The following ADGRL3 variants were observed in gnomAD, a reference collection of about 807,000 sequenced individuals.
ADGRL3 encodes the protein adhesion G protein-coupled receptor L3, also known as calcium-independent alpha-latrotoxin receptor 3.
A neutral mutation model predicts 153.5 loss-of-function variants in ADGRL3; 62 were observed. The observed-to-expected ratio is 0.40, with a 90% CI of 0.33 to 0.50. The LOEUF (loss-of-function observed/expected upper bound fraction) is 0.50. Ranked by LOEUF, ADGRL3 falls within the 20% of genes least tolerant of loss-of-function variation. The pLI is 0.47. For synonymous variants in ADGRL3, 710 were observed against 672.5 expected (o/e 1.06, Z -0.86); for missense variants, 1,641 against 1,859.4 (o/e 0.88, Z 2.16).
chr4:61,425,032 A>C (rs1357378359), intron 2 of ADGRL3, among the ~76,000 whole-genome samples: 1 of 152,076 alleles, frequency 6.6e-6, no homozygotes, highest in African/African-American at 2.4e-5. Flanking sequence ...CAGACCCATA[A>C]ACTCCCAGGG....
chr4:61,225,335 C>G (rs756994864), intron 1 of ADGRL3, among the ~76,000 whole-genome samples: 19 of 152,076 alleles, frequency 1.2e-4, no homozygotes, highest in Non-Finnish European at 2.1e-4. Flanking sequence ...GAATTGATGG[C>G]CCCACAGTTA....
At chr4:61,424,347 C>G (rs1339672368) in intron 2 of ADGRL3, among the ~76,000 whole-genome samples, 1 of 152,132 alleles carries the variant, frequency 6.6e-6, no homozygotes, top group Non-Finnish European at 1.5e-5. Context: ...TTACACTCCA[C>G]CCCCTAGGCT....
intron 4 of ADGRL3, among the ~76,000 whole-genome samples, chr4:61,563,745 C>T (rs766568695): frequency 1.3e-5 from 2 of 152,172 alleles, no homozygotes; most frequent in African/African-American, 4.8e-5. Context: ...CACGGTGGCT[C>T]ACGCCTGTAA....
intron 8 of ADGRL3, among the ~76,000 whole-genome samples, chr4:61,733,953 G>C (rs2096475461): frequency 6.6e-6 from 1 of 152,180 alleles, no homozygotes; most frequent in East Asian, 1.9e-4. Flanking sequence ...GGGTTAACTT[G>C]ATATTATGTT....
chr4:61,919,463 T>C (rs1370897249), intron 13 of ADGRL3, among the ~76,000 whole-genome samples: 1 of 152,210 alleles, frequency 6.6e-6, no homozygotes, highest in African/African-American at 2.4e-5. Context: ...CTAAACCTAT[T>C]GTTAAAAGAC....
intron 9 of ADGRL3, among the ~76,000 whole-genome samples, chr4:61,815,004 C>T (rs1355966012): frequency 6.6e-6 from 1 of 151,988 alleles, no homozygotes; most frequent in Non-Finnish European, 1.5e-5. Flanking sequence ...CTGCGCTTGG[C>T]ACATAATGGA....
chr4:61,627,219 T>C (rs541745141), intron 5 of ADGRL3, among the ~76,000 whole-genome samples: 15 of 152,298 alleles, frequency 9.8e-5, no homozygotes, highest in African/African-American at 3.6e-4. Flanking sequence ...TTATTTAAAA[T>C]TTGTCTTTTC....
At chr4:61,329,150 A>T (rs2095522528) in intron 1 of ADGRL3, among the ~76,000 whole-genome samples, 1 of 152,184 alleles carries the variant, frequency 6.6e-6, no homozygotes, top group African/African-American at 2.4e-5. Context: ...AAGGATGCGT[A>T]TTTAAAAGCT....
chr4:61,930,781 C>T (rs2098814619), intron 13 of ADGRL3, among the ~76,000 whole-genome samples: 1 of 151,856 alleles, frequency 6.6e-6, no homozygotes, highest in Non-Finnish European at 1.5e-5. Flanking sequence ...AGTCAAAAGT[C>T]ACTGAGAGTT....
At chr4:61,876,667 T>A (rs577053327) in intron 9 of ADGRL3, among the ~76,000 whole-genome samples, 2 of 151,508 alleles carry the variant, frequency 1.3e-5, no homozygotes, top group Non-Finnish European at 2.9e-5. Flanking sequence ...GAGAAATAAA[T>A]GCCTGGGAGG....
At chr4:61,429,254 T>C (rs2097325997) in intron 2 of ADGRL3, among the ~76,000 whole-genome samples, 1 of 152,134 alleles carries the variant, frequency 6.6e-6, no homozygotes, top group Non-Finnish European at 1.5e-5. Flanking sequence ...TGCTAGTAAA[T>C]GACAAAGTAA....
chr4:61,333,662 G>A (rs1420683252), intron 1 of ADGRL3, among the ~76,000 whole-genome samples: 4 of 151,748 alleles, frequency 2.6e-5, no homozygotes, highest in South Asian at 2.1e-4. Context: ...TCACAATCAC[G>A]GCTTACTGCA....
At chr4:61,905,188 G>A (rs1275074826) in intron 11 of ADGRL3, among the ~76,000 whole-genome samples, 1 of 152,016 alleles carries the variant, frequency 6.6e-6, no homozygotes, top group Non-Finnish European at 1.5e-5. Context: ...ATGCCCAGTG[G>A]GGGAGTTTTG....
chr4:61,391,112 A>T (rs2096796884), intron 2 of ADGRL3, among the ~76,000 whole-genome samples: 1 of 152,220 alleles, frequency 6.6e-6, no homozygotes, highest in Admixed American at 6.5e-5. Flanking sequence ...GTACGCCTAT[A>T]AAATACTGCT....
chr4:61,907,615 T>G (rs998485341), intron 11 of ADGRL3, among the ~76,000 whole-genome samples: 3 of 150,316 alleles, frequency 2.0e-5, no homozygotes, highest in Non-Finnish European at 2.9e-5. Context: ...TATATGTATA[T>G]ACATACACAT....
At chr4:61,744,832 C>T (rs1379897820) in intron 8 of ADGRL3, among the ~76,000 whole-genome samples, 2 of 152,188 alleles carry the variant, frequency 1.3e-5, no homozygotes, top group Admixed American at 6.5e-5. Flanking sequence ...AGGAATGCAG[C>T]TCCTCACCAG....
intron 1 of ADGRL3, among the ~76,000 whole-genome samples, chr4:61,301,177 T>G (rs1028211691): frequency 2.0e-5 from 3 of 152,248 alleles, no homozygotes; most frequent in African/African-American, 7.2e-5. Flanking sequence ...TATAAAATAT[T>G]AACTTGTCTG....
chr4:61,291,212 A>ACGCG (rs3035663), intron 1 of ADGRL3, among the ~76,000 whole-genome samples: 582 of 24,944 alleles, frequency 0.023, 7 homozygotes, highest in African/African-American at 0.036. Flanking sequence ...ACACACACAC[A>ACGCG]CACACGCACA....
intron 1 of ADGRL3, among the ~76,000 whole-genome samples, chr4:61,306,542 T>C (rs2094796798): frequency 6.6e-6 from 1 of 152,194 alleles, no homozygotes; most frequent in Non-Finnish European, 1.5e-5. Flanking sequence ...CCATGGCTAC[T>C]AATTCAAATT....
Sources: gnomAD v4.1 joint callset for allele counts (sites outside exome capture counted in the v4.1 genomes callset) on GRCh38, gnomAD v4.1.1 for gene constraint, MANE v1.5 for transcripts, NCBI Gene and HGNC (gene_info 2026-07-23, HGNC 2026-07-21) for gene names.